The following ARID1A variants were observed in gnomAD, a reference collection of about 807,000 sequenced individuals.
The protein encoded by ARID1A is AT-rich interactive domain-containing protein 1A.
ARID1A carries 20 observed loss-of-function variants against 212.6 expected under a neutral mutation model. The observed-to-expected ratio is 0.09, with a 90% CI of 0.07 to 0.14. The LOEUF is 0.14. ARID1A is among the 10% of genes least tolerant of loss of function. The pLI, the probability that ARID1A is intolerant of heterozygous loss-of-function variation, is 1.00. For synonymous variants in ARID1A, 1,376 were observed against 1,222.1 expected (o/e 1.13, Z -2.63); for missense variants, 2,587 against 3,059.0 (o/e 0.85, Z 3.64).
intron 8 of ARID1A, chr1:26,764,601 A>G (rs2081021982): frequency 6.6e-6 from 1 of 152,160 alleles, no homozygotes; most frequent in South Asian, 2.1e-4. Context: ...ACCAAGGTAG[A>G]ATAGGGCGAT....
In ARID1A at chr1:26,697,088, T is replaced by C. The variant is rs2124743071; in HGVS notation, c.685T>C (p.Tyr229His). Residue 229 changes from tyrosine (Y) to histidine (H), a missense_variant, in exon 1 of 20, where the codon TAC becomes CAC. Physicochemically the swap from Tyr to His is moderately conservative, Grantham distance 83 (BLOSUM62 2). This residue lies in a region of ARID1A where 735 missense variants were observed against 590.6 expected (regional missense o/e 1.24). Coordinates refer to ENST00000324856, the MANE Select transcript of ARID1A (RefSeq NM_006015.6). ...RSAYPPPAPA[Y>H]ALSSPRGGTP... is the part of the protein sequence containing the mutation. Reference sequence around the variant, plus strand: ...CGCCTACCCCCCGCCCGCCCCGGCCTACGCGCTGAGCTCCCCGAGAGGTGG... The same window carrying C: ...CGCCTACCCCCCGCCCGCCCCGGCCCACGCGCTGAGCTCCCCGAGAGGTGG... The C allele has an allele frequency of 6.7e-7, 1 of 1,484,380 alleles. No individual in the cohort carries two copies. The highest frequency in any genetic ancestry group is 8.9e-7 in the Non-Finnish European group (1 of 1,121,980). The allele number at this position is 1,484,380 out of a possible 1,614,324, so 92.0% of individuals were successfully genotyped here.
Position 26,772,643 on chromosome 1 carries a change from G to A in ARID1A, c.3539+11G>A, listed in dbSNP as rs766809211. ...ATTGCCAGGCATGAGGTAAGGCCAA[G>A]AGCAGGGGCAGATGGTTGGGAGGAT... is the stretch of plus-strand genomic sequence containing the variant. On this transcript the variant is annotated intron_variant, in intron 13 of 19. Coordinates refer to ENST00000324856, the MANE Select transcript of ARID1A (RefSeq NM_006015.6). The A allele has an allele frequency of 1.2e-6, 2 of 1,614,126 alleles. No homozygotes were observed. Among genetic ancestry groups the A allele is most frequent in the African/African-American group, 1.3e-5 (1 of 74,944 alleles).
chr1:26,772,693 T>A (rs2081094511), intron 13 of ARID1A, 61 bp downstream of exon 13: 1 of 1,612,582 alleles, frequency 6.2e-7, no homozygotes, highest in African/African-American at 1.3e-5. Context: ...GCATGGGAAC[T>A]CCTTGCAGCC....
At chr1:26,761,161 C>A (rs888913921) in intron 5 of ARID1A, 65 bp downstream of exon 5, 1 of 1,581,796 alleles carries the variant, frequency 6.3e-7, no homozygotes, top group South Asian at 1.1e-5. Flanking sequence ...ATTAAGGAGC[C>A]CTAGTCTTCC....
intron 1 of ARID1A, among the ~76,000 whole-genome samples, chr1:26,714,043 A>G (rs963929560): frequency 2.6e-5 from 4 of 152,232 alleles, no homozygotes; most frequent in Non-Finnish European, 5.9e-5. Flanking sequence ...TTGAGGCATC[A>G]TAGACTGTGA....
chr1:26,757,216 T>TA lies in ARID1A; in HGVS notation c.1921-3625dup, dbSNP rs879619044. On this transcript the variant is annotated intron_variant, in intron 4 of 19. Transcript: ENST00000324856. Reference sequence around the variant, plus strand: ...GGCGACAGACGGAGACCCTGTCTCTTAAAAAAAAAAAAAAATGCTGAGGCG... The same window carrying TA: ...GGCGACAGACGGAGACCCTGTCTCTTAAAAAAAAAAAAAAAATGCTGAGGCG... Among the ~76,000 whole-genome samples, 493 of 111,962 alleles carry TA rather than the reference T, an allele frequency of 4.4e-3. 3 individuals carry two copies. The highest frequency in any genetic ancestry group is 0.038 in the Middle Eastern group (6 of 156). The allele number at this position is 111,962 out of a possible 152,430, so 73.5% of individuals were successfully genotyped here. A position where few individuals can be genotyped will look rare whatever the true frequency, so the allele number is the denominator to read the frequency against.
At chr1:26,741,369 T>C (rs980682710) in intron 4 of ARID1A, among the ~76,000 whole-genome samples, 4 of 152,204 alleles carry the variant, frequency 2.6e-5, no homozygotes, top group African/African-American at 9.7e-5. Context: ...TTCTGAGGGC[T>C]TGAGAAAAGG....
chr1:26,701,491 CAGGAGGAGGA>C (rs2080331539), intron 1 of ARID1A, among the ~76,000 whole-genome samples: 1 of 152,300 alleles, frequency 6.6e-6, no homozygotes, highest in Admixed American at 6.5e-5. Context: ...GGACTCACAA[CAGGAGGAGGA>C]AGGAGGAGGC....
chr1:26,696,330 C>T lies in ARID1A; in HGVS notation c.-74C>T. 8.4e-7 allele frequency: 1 copy of T among 1,196,028 alleles called. No individual in the cohort carries two copies. The highest frequency in any genetic ancestry group is 1.0e-6 in the Non-Finnish European group (1 of 965,588). The allele number at this position is 1,196,028 out of a possible 1,614,324, so 74.1% of individuals were successfully genotyped here. A position where few individuals can be genotyped will look rare whatever the true frequency, so the allele number is the denominator to read the frequency against. ...GGGAGGGCAGCCCGGGGGACTGGGC[C>T]CCGGGGCGGGGTGGGAGGGGGGGAG... is the stretch of plus-strand genomic sequence containing the variant. On this transcript the variant is annotated 5_prime_UTR_variant, in exon 1 of 20. Transcript: ENST00000324856.
At chr1:26,697,652 C>T (rs2080286961) in intron 1 of ARID1A, 112 bp downstream of exon 1, 1 of 1,053,024 alleles carries the variant, frequency 9.5e-7, no homozygotes, top group Middle Eastern at 3.5e-4. Flanking sequence ...GCCCCCACTG[C>T]TGGGGAGCTG....
At chr1:26,749,440 C>T (rs928521640) in intron 4 of ARID1A, among the ~76,000 whole-genome samples, 10 of 152,082 alleles carry the variant, frequency 6.6e-5, no homozygotes, top group African/African-American at 2.2e-4. Context: ...GTGATTAAAC[C>T]TCCGGCTGAG....
At chr1:26,756,220 T>G (rs985611016) in intron 4 of ARID1A, among the ~76,000 whole-genome samples, 10 of 152,034 alleles carry the variant, frequency 6.6e-5, no homozygotes, top group African/African-American at 2.2e-4. Flanking sequence ...GAGACAAGCC[T>G]GAGCAACATG....
intron 5 of ARID1A, 110 bp downstream of exon 5, chr1:26,761,206 A>ATAG: frequency 6.6e-7 from 1 of 1,513,046 alleles, no homozygotes; most frequent in South Asian, 1.3e-5. Flanking sequence ...TCATGCCTGC[A>ATAG]TAGTTTCCCC....
In ARID1A at chr1:26,771,130, C is replaced by T; in HGVS notation, c.3210C>T (p.Asn1070=). The change falls in exon 12 of 20, where the codon AAC becomes AAT. Residue 1070 remains asparagine (N), a synonymous_variant. Transcript: ENST00000324856. The surrounding 1 kb of genome is among the most constrained non-coding windows in gnomAD (Gnocchi z 5.4). ...GTTTGGTTATACAGGTCAACAAGAA[C>T]AAAAAATGGCGGGAACTTGCAACCA... ...EIGGLTQVNK[N]KKWRELATNL... The T allele has an allele frequency of 1.2e-6, 2 of 1,614,114 alleles. No homozygotes were observed. Among genetic ancestry groups the T allele is most frequent in the Non-Finnish European group, 1.7e-6 (2 of 1,180,014 alleles).
chr1:26,772,392 G>C, intron 12 of ARID1A, 108 bp from the exon 13 acceptor site: 1 of 1,515,520 alleles, frequency 6.6e-7, no homozygotes, highest in Non-Finnish European at 9.0e-7. Flanking sequence ...GGCTTTAAAG[G>C]CCTTAGGAAG....
chr1:26,728,074 TGTTTA>T (rs1411356192), intron 1 of ARID1A, among the ~76,000 whole-genome samples: 1 of 152,162 alleles, frequency 6.6e-6, no homozygotes, highest in Non-Finnish European at 1.5e-5. Flanking sequence ...GGGCAAAAAT[TGTTTA>T]GTTAGGATTG....
rs1404331994 is a variant in ARID1A, at chr1:26,779,529, C to T, written c.5631C>T (p.Ala1877=). 2 of 1,614,082 alleles carry T rather than the reference C, an allele frequency of 1.2e-6. No homozygotes were observed. The highest frequency in any genetic ancestry group is 1.1e-5 in the South Asian group (1 of 91,078). ...GGCCTCACGCACCCTGCCCACCAGC[C>T]CCTCGGAAGCATGTGACAACAGCAG... The part of the protein sequence containing the change: ...PSRPHAPCPP[A]PRKHVTTAEG... Residue 1877 remains alanine (A), a synonymous_variant, in exon 20 of 20, where the codon GCC becomes GCT. Coordinates refer to ENST00000324856, the MANE Select transcript of ARID1A (RefSeq NM_006015.6).
chr1:26,771,457 G>A lies in ARID1A; in HGVS notation c.3406+131G>A. ...CTGTGCTCTGCCTTGCCCTACCACAGGGCTTAACAGGTTGGCTGACTAGAG... is the reference window on the plus strand; with the variant it reads ...CTGTGCTCTGCCTTGCCCTACCACAAGGCTTAACAGGTTGGCTGACTAGAG... On this transcript the variant is annotated intron_variant, in intron 12 of 19. Coordinates refer to ENST00000324856, the MANE Select transcript of ARID1A (RefSeq NM_006015.6). The surrounding 1 kb of genome is among the most constrained non-coding windows in gnomAD (Gnocchi z 5.4). 4 of 995,446 alleles carry A rather than the reference G, an allele frequency of 4.0e-6. No individual in the cohort carries two copies. The highest frequency in any genetic ancestry group is 5.9e-6 in the Non-Finnish European group (4 of 682,668). 61.7% of individuals were successfully genotyped at this position (995,446 alleles called of 1,614,324 possible).
At chr1:26,732,444 A>ATGTAGGTGAGGCTGGTG (rs2080688416) in intron 3 of ARID1A, among the ~76,000 whole-genome samples, 1 of 152,232 alleles carries the variant, frequency 6.6e-6, no homozygotes, top group South Asian at 2.1e-4. Context: ...TAACCCCAAG[A>ATGTAGGTGAGGCTGGTG]AACAGCCCTC....
Sources: gnomAD v4.1 joint callset for allele counts (sites outside exome capture counted in the v4.1 genomes callset) on GRCh38, gnomAD v4.1.1 for gene constraint, gnomAD v4.1.1 regional missense constraint, Gnocchi (gnomAD v3.1) non-coding constraint, MANE v1.5 for transcripts, NCBI Gene and HGNC (gene_info 2026-07-23, HGNC 2026-07-21) for gene names.